Variants in RANBP10 observed in about 807,000 individuals in gnomAD.
The protein encoded by RANBP10 is RAN binding protein 10, also known as ran-binding protein 10.
Under a neutral mutation model 72.8 loss-of-function variants are expected in RANBP10, and 24 were observed. That is an observed-to-expected ratio of 0.33 (90% CI 0.24 to 0.46). RANBP10 has a LOEUF of 0.46. RANBP10 is among the 20% of genes least tolerant of loss of function. RANBP10 has a pLI of 1.00. For missense variants in RANBP10, 679 were observed against 817.5 expected, an observed-to-expected ratio of 0.83 and a Z score of 2.07; for synonymous variants, 310 against 322.3, an observed-to-expected ratio of 0.96 and a Z score of 0.41.
chr16:67,776,549 G>C (rs1486140510), intron 2 of RANBP10, among the ~76,000 whole-genome samples: 9 of 148,320 alleles, frequency 6.1e-5, no homozygotes, highest in Admixed American at 5.5e-4. Context: ...AAGACAGGCA[G>C]ATCACCTGAG....
rs1382034617 is a variant in RANBP10 at position 67,806,376 on chromosome 16, G to A, written c.161C>T (p.Pro54Leu). The A allele has an allele frequency of 6.2e-7, 1 of 1,612,688 alleles. No individual in the cohort carries two copies. Among genetic ancestry groups the A allele is most frequent in the Non-Finnish European group, 8.5e-7 (1 of 1,179,408 alleles). Residue 54 changes from proline (P) to leucine (L), a missense_variant, in exon 1 of 14, where the codon CCG (proline) becomes CTG (leucine). By Grantham distance (98) the Pro-to-Leu change is moderately conservative (BLOSUM62 -3). Coordinates refer to ENST00000317506, the MANE Select transcript of RANBP10 (RefSeq NM_020850.3). ...PAVNQQETPL[P>L]RSWSPKDKYN... ...TTTGTCCTTGGGGCTCCAGGAGCGCGGCAGCGGAGTCTCTTGCTGGTTGAC... is the reference window on the plus strand; with the variant it reads ...TTTGTCCTTGGGGCTCCAGGAGCGCAGCAGCGGAGTCTCTTGCTGGTTGAC...
intron 10 of RANBP10, 176 bp from the exon 11 acceptor site, chr16:67,728,687 A>G (rs1231764346): frequency 8.4e-7 from 1 of 1,193,350 alleles, no homozygotes; most frequent in Non-Finnish European, 1.2e-6. Flanking sequence ...CTGTGACACC[A>G]GCTATCCTCA....
At chr16:67,728,649 C>G (rs1161478952) in intron 10 of RANBP10, 138 bp from the exon 11 acceptor site, 1 of 1,480,490 alleles carries the variant, frequency 6.8e-7, no homozygotes, top group Admixed American at 2.0e-5. Flanking sequence ...ACAGCTCAGG[C>G]TTCCAAGTCT....
At chr16:67,752,099 A>C (rs974043899) in intron 3 of RANBP10, among the ~76,000 whole-genome samples, 1 of 152,114 alleles carries the variant, frequency 6.6e-6, no homozygotes, top group Non-Finnish European at 1.5e-5. Context: ...ATTTTCCCAG[A>C]GGGGAAAAAT....
At chr16:67,746,028 T>C (rs551582984) in intron 3 of RANBP10, among the ~76,000 whole-genome samples, 2 of 152,026 alleles carry the variant, frequency 1.3e-5, no homozygotes, top group African/African-American at 2.4e-5. Context: ...TGGTGGTGCA[T>C]GCCTATAATC....
chr16:67,762,563 G>A (rs1032736541), intron 3 of RANBP10: 2 of 152,282 alleles, frequency 1.3e-5, no homozygotes, highest in East Asian at 1.9e-4. Flanking sequence ...TGAGTCAGGA[G>A]TGGATTCAAT....
chr16:67,748,914 T>G (rs1047822487), intron 3 of RANBP10, among the ~76,000 whole-genome samples: 5 of 152,128 alleles, frequency 3.3e-5, no homozygotes, highest in African/African-American at 1.2e-4. Context: ...GCTTCCTCCT[T>G]GGGGCCTAAG....
chr16:67,801,240 G>C (rs1011123338), intron 2 of RANBP10, among the ~76,000 whole-genome samples: 1 of 152,100 alleles, frequency 6.6e-6, no homozygotes, highest in South Asian at 2.1e-4. Context: ...GATCAAGCCC[G>C]GCCCAGAGCA....
intron 5 of RANBP10, 23 bp downstream of exon 5, chr16:67,737,990 G>A (rs775403825): frequency 1.1e-5 from 17 of 1,579,956 alleles, no homozygotes; most frequent in Non-Finnish European, 1.4e-5. Context: ...CCCAGGAGGG[G>A]AAGACTCAAT....
intron 2 of RANBP10, among the ~76,000 whole-genome samples, chr16:67,791,158 C>A (rs1220805244): frequency 2.6e-5 from 4 of 151,760 alleles, no homozygotes; most frequent in Non-Finnish European, 5.9e-5. Context: ...GGACTGTAGG[C>A]GTGTGCGACC....
chr16:67,748,765 G>A (rs73591956), intron 3 of RANBP10, among the ~76,000 whole-genome samples: 4 of 152,030 alleles, frequency 2.6e-5, no homozygotes, highest in Non-Finnish European at 4.4e-5. Flanking sequence ...AGAAGGGTTC[G>A]ACTGCCTGGC....
At chr16:67,726,965 C>T (rs960405091) in intron 13 of RANBP10, among the ~76,000 whole-genome samples, 1 of 152,184 alleles carries the variant, frequency 6.6e-6, no homozygotes, top group African/African-American at 2.4e-5. Flanking sequence ...TGGGAACCAC[C>T]CAGGTAGCTA....
At chr16:67,803,162 G>A (rs2055267303) in intron 2 of RANBP10, among the ~76,000 whole-genome samples, 1 of 152,152 alleles carries the variant, frequency 6.6e-6, no homozygotes, top group South Asian at 2.1e-4. Flanking sequence ...GACGGTGGAA[G>A]GTGAAAATAG....
intron 3 of RANBP10, among the ~76,000 whole-genome samples, chr16:67,771,744 G>A (rs2054611180): frequency 6.6e-6 from 1 of 152,234 alleles, no homozygotes; most frequent in Non-Finnish European, 1.5e-5. Flanking sequence ...GCCAATGGGA[G>A]CAAGGGCTAC....
chr16:67,732,774 G>A (rs984988920), intron 6 of RANBP10, among the ~76,000 whole-genome samples: 4 of 151,964 alleles, frequency 2.6e-5, no homozygotes, highest in African/African-American at 9.7e-5. Flanking sequence ...ATGGCCAGGC[G>A]TGGTGGCTCA....
intron 2 of RANBP10, 92 bp downstream of exon 2, chr16:67,805,336 C>A (rs531455834): frequency 3.5e-6 from 4 of 1,144,068 alleles, no homozygotes; most frequent in African/African-American, 1.5e-5. Flanking sequence ...CCCCAGCTCA[C>A]ATCAGCAACA....
chr16:67,734,424 G>A (rs1052212442), intron 6 of RANBP10, among the ~76,000 whole-genome samples: 5 of 152,220 alleles, frequency 3.3e-5, no homozygotes, highest in Admixed American at 6.5e-5. Context: ...CTCCACCACC[G>A]CTATAGACGA....
intron 2 of RANBP10, among the ~76,000 whole-genome samples, chr16:67,804,876 T>C (rs1338882252): frequency 1.3e-5 from 2 of 152,122 alleles, no homozygotes; most frequent in Admixed American, 6.5e-5. Flanking sequence ...ATCCAACTAG[T>C]AGTGTTCAAG....
intron 13 of RANBP10, 109 bp from the exon 14 acceptor site, chr16:67,726,667 A>G: frequency 7.6e-7 from 1 of 1,314,290 alleles, no homozygotes; most frequent in East Asian, 2.5e-5. Context: ...CTCTTGGAAC[A>G]GAGTGTTCAG....
Sources: allele counts gnomAD v4.1 joint callset (sites outside exome capture counted in the v4.1 genomes callset), GRCh38; gene constraint gnomAD v4.1.1; transcripts MANE v1.5; gene names NCBI Gene and HGNC (gene_info 2026-07-23, HGNC 2026-07-21).